Variants in NCMAP observed in about 807,000 individuals in gnomAD.
NCMAP encodes the protein non-compact myelin associated protein.
NCMAP carries 8 observed loss-of-function variants against 7.8 expected under a neutral mutation model. The observed-to-expected ratio is 1.02, with a 90% confidence interval of 0.60 to 1.84. The LOEUF (loss-of-function observed/expected upper bound fraction) is 1.84. Among genes scored for constraint, NCMAP ranks in the 40% most tolerant of loss-of-function variants. The pLI, the probability that NCMAP is intolerant of heterozygous loss-of-function variation, is 0.00. For synonymous variants in NCMAP, 41 were observed against 52.9 expected, an observed-to-expected ratio of 0.78 and a Z score of 0.98; for missense variants, 112 against 131.4, an observed-to-expected ratio of 0.85 and a Z score of 0.72.
intron 1 of NCMAP, among the ~76,000 whole-genome samples, chr1:24,588,710 A>G (rs927841254): frequency 1.3e-5 from 2 of 152,202 alleles, no homozygotes. Flanking sequence ...CTTTGTAAAC[A>G]ACCCAAGAAA....
rs1009257782 is a variant in NCMAP at position 24,576,245 on chromosome 1, T to C, written c.-7-19179T>C. On this transcript the variant is annotated intron_variant, in intron 1 of 3. Transcript: ENST00000374392. This position sits in a 1 kb window ranked among gnomAD's most constrained non-coding sequence, Gnocchi z 4.0. Reference sequence around the variant, plus strand: ...CCCACCTCCTGACAAAGCTGGGGGCTGGCACTGCTGCTTGAGAGGGTGGGA... The same window carrying C: ...CCCACCTCCTGACAAAGCTGGGGGCCGGCACTGCTGCTTGAGAGGGTGGGA... Among the ~76,000 whole-genome samples the C allele has an allele frequency of 6.6e-6, 1 of 152,188 alleles. No homozygotes were observed. Among genetic ancestry groups the C allele is most frequent in the Non-Finnish European group, 1.5e-5 (1 of 68,040 alleles).
At chr1:24,561,031 C>T (rs1379961669) in intron 1 of NCMAP, among the ~76,000 whole-genome samples, 3 of 151,960 alleles carry the variant, frequency 2.0e-5, no homozygotes, top group Non-Finnish European at 4.4e-5. Flanking sequence ...ACCCATGCCC[C>T]ATAAGAAATA....
At chr1:24,556,304 C>T in intron 1 of NCMAP, 135 bp downstream of exon 1, 1 of 152,330 alleles carries the variant, frequency 6.6e-6, no homozygotes, top group African/African-American at 2.4e-5. Flanking sequence ...GACGAGGGGT[C>T]CCCAGTCTCA....
In NCMAP at chr1:24,607,424, T is replaced by C. The variant is rs1365739113; in HGVS notation, c.*1677T>C. On this transcript the variant is annotated 3_prime_UTR_variant, in exon 4 of 4. Coordinates refer to ENST00000374392, the MANE Select transcript of NCMAP (RefSeq NM_001010980.5). ...ATTGATGGGTTCATTAATATAATTG[T>C]AGTTCTTTACTTCCTCTCAAAAACT... The C allele has an allele frequency of 1.3e-5, 2 of 152,232 alleles. No homozygotes were observed. Among genetic ancestry groups the C allele is most frequent in the East Asian group, 1.9e-4 (1 of 5,194 alleles). The allele number at this position is 152,232 out of a possible 1,614,324, so 9.4% of individuals were successfully genotyped here.
intron 2 of NCMAP, among the ~76,000 whole-genome samples, chr1:24,597,659 G>GAAATAAAAGAA (rs879865380): frequency 5.1e-4 from 61 of 118,878 alleles, no homozygotes; most frequent in Middle Eastern, 9.8e-3. Flanking sequence ...AAGAAAGAAA[G>GAAATAAAAGAA]AAAGAAAGAA....
intron 1 of NCMAP, among the ~76,000 whole-genome samples, chr1:24,585,115 C>CA (rs1392712747): frequency 6.6e-6 from 1 of 152,108 alleles, no homozygotes; most frequent in Non-Finnish European, 1.5e-5. Flanking sequence ...GCCTCCAGTT[C>CA]AGGGGAGCAC....
chr1:24,574,818 C>T (rs1051117981), intron 1 of NCMAP, among the ~76,000 whole-genome samples: 1 of 138,344 alleles, frequency 7.2e-6, no homozygotes, highest in Non-Finnish European at 1.5e-5. Context: ...TTTTTTGAGA[C>T]GGAGTCTCAC....
intron 2 of NCMAP, among the ~76,000 whole-genome samples, chr1:24,597,154 G>A (rs1652256661): frequency 6.6e-6 from 1 of 152,136 alleles, no homozygotes; most frequent in African/African-American, 2.4e-5. Flanking sequence ...GGGAAATGCA[G>A]GGTAGAGAGA....
rs1570536023 is a variant in NCMAP, at chr1:24,595,469, C to T, written c.39C>T (p.Phe13=). The stretch of plus-strand genomic sequence containing the variant: ...CCCCTCTGGGGGATACCACCTTCTT[C>T]TCACTGAACATGACCACCAGGGGAG... The part of the protein sequence containing the change: ...TATPLGDTTF[F]SLNMTTRGED... Residue 13 remains phenylalanine, a synonymous_variant, in exon 2 of 4, where the codon TTC becomes TTT. Coordinates refer to ENST00000374392, the MANE Select transcript of NCMAP (RefSeq NM_001010980.5). The T allele has an allele frequency of 6.2e-7, 1 of 1,614,130 alleles. No homozygotes were observed. Among genetic ancestry groups the T allele is most frequent in the Non-Finnish European group, 8.5e-7 (1 of 1,179,944 alleles).
intron 1 of NCMAP, among the ~76,000 whole-genome samples, chr1:24,565,572 TTGTG>T (rs58714256): frequency 0.16 from 22,575 of 143,488 alleles, 1,900 homozygotes; most frequent in Middle Eastern, 0.22. Flanking sequence ...TGATAGAAGA[TTGTG>T]TGTGTGTGTG....
chr1:24,561,316 C>T (rs187641900), intron 1 of NCMAP, among the ~76,000 whole-genome samples: 1 of 151,896 alleles, frequency 6.6e-6, no homozygotes, highest in African/African-American at 2.4e-5. Context: ...CACTGCCCTC[C>T]AGCCTGGGTG....
In NCMAP at chr1:24,595,427, C is replaced by G. The variant is rs376254998; in HGVS notation, c.-4C>G. The G allele has an allele frequency of 1.9e-6, 3 of 1,606,318 alleles. No individual in the cohort carries two copies. Among genetic ancestry groups the G allele is most frequent in the African/African-American group, 2.7e-5 (2 of 74,742 alleles). ...ATATCTTCTTCTTTCTCATCAGGATCGAGATGACCACAGCCACCCCTCTGG... is the reference window on the plus strand; with the variant it reads ...ATATCTTCTTCTTTCTCATCAGGATGGAGATGACCACAGCCACCCCTCTGG... On this transcript the variant is annotated 5_prime_UTR_variant, in exon 2 of 4. In the 5' UTR this introduces an upstream ATG that the reference lacks. Coordinates refer to ENST00000374392, the MANE Select transcript of NCMAP (RefSeq NM_001010980.5).
At chr1:24,590,687 G>A (rs578167282) in intron 1 of NCMAP, among the ~76,000 whole-genome samples, 25 of 152,108 alleles carry the variant, frequency 1.6e-4, no homozygotes, top group Non-Finnish European at 3.2e-4. Context: ...TGTAGTTTGT[G>A]CCATCAAACT....
At position 24,602,339 on chromosome 1, in the gene NCMAP, TTGAGAGGCCGAGGCGGGCGG is replaced by T. The variant is rs1652529206; in HGVS notation, c.167+1316_167+1335del. On this transcript the variant is annotated intron_variant, in intron 3 of 3. Transcript: ENST00000374392. ...AATATTATCCTGTAATCCCAGCACT[TTGAGAGGCCGAGGCGGGCGG>T]ATCACGAGGTCAGGAGATCGAGACC... Among the ~76,000 whole-genome samples the T allele has an allele frequency of 3.7e-4, 51 of 138,640 alleles. 3 individuals carry two copies. Among genetic ancestry groups the T allele is most frequent in the African/African-American group, 1.7e-3 (50 of 28,952 alleles). 91.0% of individuals were successfully genotyped at this position (138,640 alleles called of 152,430 possible). A position where few individuals can be genotyped will look rare whatever the true frequency, so the allele number is the denominator to read the frequency against.
chr1:24,588,685 G>A (rs1376658509), intron 1 of NCMAP, among the ~76,000 whole-genome samples: 4 of 152,156 alleles, frequency 2.6e-5, no homozygotes, highest in African/African-American at 7.2e-5. Flanking sequence ...TCCCAAACTC[G>A]CCTCCCACAC....
chr1:24,561,576 G>A (rs1376387074), intron 1 of NCMAP, among the ~76,000 whole-genome samples: 5 of 152,122 alleles, frequency 3.3e-5, no homozygotes, highest in African/African-American at 1.2e-4. Flanking sequence ...GCCCTTCACT[G>A]TGGAAGCTCT....
At chr1:24,579,790 T>C (rs148646786) in intron 1 of NCMAP, among the ~76,000 whole-genome samples, 2 of 152,286 alleles carry the variant, frequency 1.3e-5, no homozygotes, top group African/African-American at 4.8e-5. Flanking sequence ...GGGCAGAGCT[T>C]GTCAACTAGC....
intron 1 of NCMAP, among the ~76,000 whole-genome samples, chr1:24,585,370 C>T (rs771799551): frequency 5.3e-5 from 8 of 152,280 alleles, no homozygotes; most frequent in East Asian, 1.9e-4. Flanking sequence ...GAATCTGCCT[C>T]GGTTTGTTCC....
intron 1 of NCMAP, among the ~76,000 whole-genome samples, chr1:24,589,777 T>C (rs1651992837): frequency 6.6e-6 from 1 of 152,236 alleles, no homozygotes; most frequent in Admixed American, 6.5e-5. Context: ...AAACCAGCTC[T>C]GTAGCTTTGG....
Sources: allele counts gnomAD v4.1 joint callset (sites outside exome capture counted in the v4.1 genomes callset), GRCh38; gene constraint gnomAD v4.1.1; non-coding constraint Gnocchi (gnomAD v3.1); transcripts MANE v1.5; gene names NCBI Gene and HGNC (gene_info 2026-07-23, HGNC 2026-07-21).